Variants in JAKMIP1 observed in about 807,000 individuals in gnomAD.
JAKMIP1 encodes janus kinase and microtubule interacting protein 1.
JAKMIP1 carries 33 observed loss-of-function variants against 113.0 expected under a neutral mutation model. The ratio of observed to expected loss-of-function variants is 0.29; its 90% CI spans 0.22 to 0.39. The LOEUF (loss-of-function observed/expected upper bound fraction) is 0.39, where lower values mean the gene tolerates loss of function less well. Ranked by LOEUF, JAKMIP1 falls within the 10% of genes least tolerant of loss-of-function variation. The pLI, the probability that JAKMIP1 is intolerant of heterozygous loss-of-function variation, is 1.00. For synonymous variants in JAKMIP1, 480 were observed against 459.9 expected, an observed-to-expected ratio of 1.04 and a Z score of -0.56; for missense variants, 813 against 1,080.5, an observed-to-expected ratio of 0.75 and a Z score of 3.47.
intron 8 of JAKMIP1, among the ~76,000 whole-genome samples, chr4:6,066,673 C>T (rs998699567): frequency 8.2e-5 from 12 of 146,752 alleles, no homozygotes; most frequent in Non-Finnish European, 1.2e-4. Flanking sequence ...CATGCCTGCC[C>T]TCCCTGGGAG....
chr4:6,079,107 T>C lies in JAKMIP1; in HGVS notation c.1243-109A>G, dbSNP rs1047211445. The stretch of plus-strand genomic sequence containing the variant: ...CCTGCCCATCCGCACCAGGCATGGC[T>C]AGTTGAAGTTCTAAGTGCCCAAGTG... On this transcript the variant is annotated intron_variant, in intron 7 of 20. Coordinates refer to ENST00000409021, the MANE Select transcript of JAKMIP1 (RefSeq NM_001099433.2). The C allele has an allele frequency of 9.8e-6, 11 of 1,123,972 alleles. No individual in the cohort carries two copies. In the African/African-American group the frequency reaches 1.1e-4, roughly 11 times the overall value. 69.6% of individuals were successfully genotyped at this position (1,123,972 alleles called of 1,614,324 possible).
At chr4:6,146,113 C>T (rs980780242) in intron 1 of JAKMIP1, among the ~76,000 whole-genome samples, 4 of 151,636 alleles carry the variant, frequency 2.6e-5, no homozygotes, top group Non-Finnish European at 2.9e-5. Flanking sequence ...TCCTGACACA[C>T]GGTATAAGAT....
chr4:6,065,098 G>C lies in JAKMIP1; in HGVS notation c.1303-90C>G. On this transcript the variant is annotated intron_variant, in intron 8 of 20. Coordinates refer to ENST00000409021, the MANE Select transcript of JAKMIP1 (RefSeq NM_001099433.2). The surrounding 1 kb of genome is among the most constrained non-coding windows in gnomAD (Gnocchi z 5.1). Reference sequence around the variant, plus strand: ...GTCGTGGGCATGCCAGTGCAGGGGGGTGATGATTGACATTTGGGCCACTGG... The same window carrying C: ...GTCGTGGGCATGCCAGTGCAGGGGGCTGATGATTGACATTTGGGCCACTGG... 6.6e-7 allele frequency: 1 copy of C among 1,512,516 alleles called. No homozygotes were observed. The allele number at this position is 1,512,516 out of a possible 1,614,324, so 93.7% of individuals were successfully genotyped here. A position where few individuals can be genotyped will look rare whatever the true frequency, so the allele number is the denominator to read the frequency against.
intron 10 of JAKMIP1, 128 bp downstream of exon 10, chr4:6,062,184 A>G (rs1204780881): frequency 1.8e-5 from 18 of 974,256 alleles, no homozygotes; most frequent in Non-Finnish European, 6.4e-6. Context: ...AGACCTTGCT[A>G]TGGGTTCCCC....
chr4:6,189,722 G>A (rs1297829806), intron 1 of JAKMIP1, among the ~76,000 whole-genome samples: 1 of 152,170 alleles, frequency 6.6e-6, no homozygotes, highest in African/African-American at 2.4e-5. Context: ...AGGGCAGTGA[G>A]GGCCCTGGGG....
rs1276575604 is a variant in JAKMIP1 at position 6,089,082 on chromosome 4, G to A, written c.625-3453C>T. ...TGTTTTTCTTTAGGAGCTAAGAAAG[G>A]GACTCTGGGCTGTGTGGTGTGAGAA... is the stretch of plus-strand genomic sequence containing the variant. On this transcript the variant is annotated intron_variant, in intron 3 of 20. Transcript: ENST00000409021. This position sits in a 1 kb window ranked among gnomAD's most constrained non-coding sequence, Gnocchi z 5.3. Among the ~76,000 whole-genome samples, 1 of 152,182 alleles carries A rather than the reference G, an allele frequency of 6.6e-6. No homozygotes were observed. Among genetic ancestry groups the A allele is most frequent in the African/African-American group, 2.4e-5 (1 of 41,442 alleles).
At position 6,051,537 on chromosome 4, in the gene JAKMIP1, G is replaced by A. The variant is rs931112177; in HGVS notation, c.1807-858C>T. On this transcript the variant is annotated intron_variant, in intron 13 of 20. Transcript: ENST00000409021. This position sits in a 1 kb window ranked among gnomAD's most constrained non-coding sequence, Gnocchi z 5.0. ...TTACAGGCGTAAGCCACCTCGCCCG[G>A]CCCCAAAGGCTGACTTTCTGTTCTT... is the stretch of plus-strand genomic sequence containing the variant. Among the ~76,000 whole-genome samples, 13 of 151,552 alleles carry A rather than the reference G, an allele frequency of 8.6e-5. No homozygotes were observed. Among genetic ancestry groups the A allele is most frequent in the African/African-American group, 2.9e-4 (12 of 41,228 alleles).
At position 6,129,171 on chromosome 4, in the gene JAKMIP1, A is replaced by T. The variant is rs1244119771; in HGVS notation, c.-147-16174T>A. 6.6e-6 allele frequency among the ~76,000 whole-genome samples: 1 copy of T among 152,220 alleles called. No homozygotes were observed. The highest frequency in any genetic ancestry group is 1.5e-5 in the Non-Finnish European group (1 of 68,044). On this transcript the variant is annotated intron_variant, in intron 1 of 20. Transcript: ENST00000409021. This position sits in a 1 kb window ranked among gnomAD's most constrained non-coding sequence, Gnocchi z 5.4. ...GGGTGTCTTCACATCTACAGAGTTC[A>T]GGCAGGAGGACACACGCCATCCAGC...
chr4:6,138,242 A>T lies in JAKMIP1; in HGVS notation c.-147-25245T>A, dbSNP rs1448289836. ...CAGAACCCAAGTTAATTTAATTTTT[A>T]TTTATTTTTATTTTTATTTTTTTGA... On this transcript the variant is annotated intron_variant, in intron 1 of 20. Coordinates refer to ENST00000409021, the MANE Select transcript of JAKMIP1 (RefSeq NM_001099433.2). This position sits in a 1 kb window ranked among gnomAD's most constrained non-coding sequence, Gnocchi z 6.0. 2.0e-5 allele frequency among the ~76,000 whole-genome samples: 3 copies of T among 151,750 alleles called. No homozygotes were observed. The highest frequency in any genetic ancestry group is 2.9e-5 in the Non-Finnish European group (2 of 67,958).
chr4:6,172,528 G>A (rs536018172), intron 1 of JAKMIP1, among the ~76,000 whole-genome samples: 3 of 151,934 alleles, frequency 2.0e-5, no homozygotes, highest in South Asian at 2.1e-4. Context: ...GAGAGGACAC[G>A]GCCCTGGCCC....
At position 6,080,056 on chromosome 4, in the gene JAKMIP1, C is replaced by T; in HGVS notation, c.1242+116G>A. On this transcript the variant is annotated intron_variant, in intron 7 of 20. Transcript: ENST00000409021. This position sits in a 1 kb window ranked among gnomAD's most constrained non-coding sequence, Gnocchi z 6.0. ...TTGGTGAGTCCCAAAGTCAGCACTG[C>T]CTGACCCTGACCCAGCTCAGCAGCA... The T allele has an allele frequency of 4.8e-6, 6 of 1,239,394 alleles. No individual in the cohort carries two copies. Among genetic ancestry groups the T allele is most frequent in the Non-Finnish European group, 6.6e-6 (6 of 908,394 alleles). The allele number at this position is 1,239,394 out of a possible 1,614,324, so 76.8% of individuals were successfully genotyped here. A position where few individuals can be genotyped will look rare whatever the true frequency, so the allele number is the denominator to read the frequency against.
intron 1 of JAKMIP1, among the ~76,000 whole-genome samples, chr4:6,164,443 T>C (rs2109008462): frequency 6.6e-6 from 1 of 151,458 alleles, no homozygotes; most frequent in East Asian, 1.9e-4. Context: ...GATGGAGATG[T>C]AGAGGAGATT....
At position 6,049,034 on chromosome 4, in the gene JAKMIP1, T is replaced by A; in HGVS notation, c.1963-112A>T. 1.3e-6 allele frequency: 1 copy of A among 780,582 alleles called. No homozygotes were observed. Among genetic ancestry groups the A allele is most frequent in the Non-Finnish European group, 2.2e-6 (1 of 462,946 alleles). The allele number at this position is 780,582 out of a possible 1,614,324, so 48.4% of individuals were successfully genotyped here. ...CGTTGTTGTTGTTTGTTTTATTATG[T>A]TTGTTTGTTTTGAGACGGAGTCTCT... On this transcript the variant is annotated intron_variant, in intron 15 of 20. Transcript: ENST00000409021. This position sits in a 1 kb window ranked among gnomAD's most constrained non-coding sequence, Gnocchi z 7.0.
chr4:6,086,002 G>A lies in JAKMIP1; in HGVS notation c.625-373C>T, dbSNP rs1256363602. ...AGCTGGCTTCTCTCTCCGTCTCCAG[G>A]ACCATGTCTCCCTCTCAGTCATTGA... On this transcript the variant is annotated intron_variant, in intron 3 of 20. Transcript: ENST00000409021. The surrounding 1 kb of genome is among the most constrained non-coding windows in gnomAD (Gnocchi z 4.1). Among the ~76,000 whole-genome samples the A allele has an allele frequency of 4.0e-5, 6 of 151,896 alleles. No homozygotes were observed. Among genetic ancestry groups the A allele is most frequent in the African/African-American group, 1.5e-4 (6 of 41,310 alleles).
intron 1 of JAKMIP1, among the ~76,000 whole-genome samples, chr4:6,130,960 C>T (rs1485722028): frequency 6.6e-6 from 1 of 151,492 alleles, no homozygotes; most frequent in African/African-American, 2.4e-5. Context: ...AATTGCTTGA[C>T]CCCAGGAGTT....
In JAKMIP1 at chr4:6,091,687, G is replaced by A. The variant is rs570637833; in HGVS notation, c.625-6058C>T. On this transcript the variant is annotated intron_variant, in intron 3 of 20. Transcript: ENST00000409021. The stretch of plus-strand genomic sequence containing the variant: ...CAAACCCATGAACATACGTGATTGA[G>A]AAAAGGGGCTGGAGACTGTTCCTGA... Among the ~76,000 whole-genome samples the A allele has an allele frequency of 1.6e-4, 24 of 152,314 alleles. No homozygotes were observed. In the East Asian group the frequency reaches 2.9e-3, roughly 18 times the overall value.
chr4:6,142,275 C>A lies in JAKMIP1; in HGVS notation c.-147-29278G>T, dbSNP rs1030809347. 3.9e-5 allele frequency among the ~76,000 whole-genome samples: 6 copies of A among 152,182 alleles called. No individual in the cohort carries two copies. The highest frequency in any genetic ancestry group is 1.4e-4 in the African/African-American group (6 of 41,432). On this transcript the variant is annotated intron_variant, in intron 1 of 20. Coordinates refer to ENST00000409021, the MANE Select transcript of JAKMIP1 (RefSeq NM_001099433.2). This position sits in a 1 kb window ranked among gnomAD's most constrained non-coding sequence, Gnocchi z 5.5. ...AGAGATTCCCTTTCCAATTCACTGG[C>A]CAAACGCTGCAAAGTTTCGAAGAGG...
chr4:6,152,389 C>T (rs1188427253), intron 1 of JAKMIP1, among the ~76,000 whole-genome samples: 1 of 152,180 alleles, frequency 6.6e-6, no homozygotes, highest in East Asian at 1.9e-4. Context: ...TAGAACCGCC[C>T]TCACCCAGCC....
chr4:6,175,094 C>T (rs796708237), intron 1 of JAKMIP1, among the ~76,000 whole-genome samples: 6 of 152,286 alleles, frequency 3.9e-5, no homozygotes, highest in African/African-American at 1.4e-4. Flanking sequence ...GACCCCACCT[C>T]ACCTTCCCAC....
Sources: allele counts gnomAD v4.1 joint callset (sites outside exome capture counted in the v4.1 genomes callset), GRCh38; gene constraint gnomAD v4.1.1; non-coding constraint Gnocchi (gnomAD v3.1); transcripts MANE v1.5; gene names NCBI Gene and HGNC (gene_info 2026-07-23, HGNC 2026-07-21).